The following SAMD12 variants were observed in gnomAD, a reference collection of about 807,000 sequenced individuals.
The protein encoded by SAMD12 is sterile alpha motif domain containing 12.
A neutral mutation model predicts 15.0 loss-of-function variants in SAMD12; 9 were observed. The observed-to-expected ratio is 0.60, with a 90% CI of 0.36 to 1.05. The LOEUF is 1.05. Ranked by LOEUF, SAMD12 falls within the 50% of genes least tolerant of loss-of-function variation. The probability of loss-of-function intolerance (pLI) is 0.01; values close to 1 mark genes in which losing one functional copy is unlikely to be tolerated. For synonymous variants in SAMD12, 86 were observed against 90.1 expected (o/e 0.96, Z 0.25); for missense variants, 230 against 234.2 (o/e 0.98, Z 0.12).
At chr8:118,444,810 C>T (rs750330591) in intron 2 of SAMD12, among the ~76,000 whole-genome samples, 1 of 152,030 alleles carries the variant, frequency 6.6e-6, no homozygotes, top group African/African-American at 2.4e-5. Flanking sequence ...ATCTGTTTTA[C>T]AATATAAATT....
intron 4 of SAMD12, among the ~76,000 whole-genome samples, chr8:118,346,093 G>A (rs1817634823): frequency 6.6e-6 from 1 of 152,220 alleles, no homozygotes; most frequent in African/African-American, 2.4e-5. Context: ...ATCGAGGGAT[G>A]TCACAGGCTC....
At chr8:118,249,848 T>C (rs767532994) in intron 4 of SAMD12, among the ~76,000 whole-genome samples, 6 of 152,170 alleles carry the variant, frequency 3.9e-5, no homozygotes, top group Non-Finnish European at 7.4e-5. Flanking sequence ...CATGAACTTC[T>C]GATGGAGTCA....
At chr8:118,615,281 G>A (rs184309400) in intron 1 of SAMD12, among the ~76,000 whole-genome samples, 1 of 152,238 alleles carries the variant, frequency 6.6e-6, no homozygotes, top group East Asian at 1.9e-4. Context: ...ACCCAGCTCA[G>A]AACTAAATGC....
At chr8:118,415,969 T>G (rs1821667615) in intron 3 of SAMD12, among the ~76,000 whole-genome samples, 1 of 152,222 alleles carries the variant, frequency 6.6e-6, no homozygotes, top group Non-Finnish European at 1.5e-5. Flanking sequence ...TTTGATGTTC[T>G]CATTTATCTA....
chr8:118,141,890 C>G, the SAMD12 span, among the ~76,000 whole-genome samples: 1 of 152,202 alleles, frequency 6.6e-6, no homozygotes, highest in South Asian at 2.1e-4. Context: ...CCACCTTAGT[C>G]CTGGCCATCC....
chr8:118,176,457 T>C, the SAMD12 span, among the ~76,000 whole-genome samples: 10 of 152,252 alleles, frequency 6.6e-5, no homozygotes, highest in South Asian at 4.1e-4. Context: ...ATGTGGTACA[T>C]ATATACCATA....
chr8:118,400,001 C>A (rs1037973092), intron 3 of SAMD12, among the ~76,000 whole-genome samples: 2 of 152,174 alleles, frequency 1.3e-5, no homozygotes, highest in African/African-American at 4.8e-5. Flanking sequence ...GCTAAAAATT[C>A]TGTGTGTATC....
chr8:118,590,351 G>A lies in SAMD12; in HGVS notation c.14-9458C>T, dbSNP rs970358519. On this transcript the variant is annotated intron_variant, in intron 1 of 3. Transcript: ENST00000314727. ...CCAGGAGAATGCCATAGAAGGCCAA[G>A]TAGGGAGTCCAGGTTTCCATCTCTG... 8.5e-5 allele frequency among the ~76,000 whole-genome samples: 13 copies of A among 152,354 alleles called. No individual in the cohort carries two copies. In the East Asian group the frequency reaches 1.7e-3, roughly 20 times the overall value.
the SAMD12 span, among the ~76,000 whole-genome samples, chr8:118,182,779 A>G: frequency 6.6e-6 from 1 of 152,224 alleles, no homozygotes; most frequent in Admixed American, 6.5e-5. Context: ...TGAGAGCGAC[A>G]GCACAAAAAG....
intron 3 of SAMD12, among the ~76,000 whole-genome samples, chr8:118,432,499 T>C (rs1822446295): frequency 6.6e-6 from 1 of 152,218 alleles, no homozygotes; most frequent in African/African-American, 2.4e-5. Context: ...CAAGAGTTTC[T>C]AACCTGGGAA....
chr8:118,403,111 G>A (rs1020723982), intron 3 of SAMD12, among the ~76,000 whole-genome samples: 1 of 152,152 alleles, frequency 6.6e-6, no homozygotes, highest in Non-Finnish European at 1.5e-5. Context: ...CACAAATAAG[G>A]CATCACAAAT....
intron 4 of SAMD12, among the ~76,000 whole-genome samples, chr8:118,215,981 G>A (rs1234855748): frequency 6.6e-6 from 1 of 150,882 alleles, no homozygotes. Flanking sequence ...TATATACCCA[G>A]TAATGGGATG....
chr8:118,448,929 A>G (rs967264041), intron 2 of SAMD12, among the ~76,000 whole-genome samples: 6 of 152,220 alleles, frequency 3.9e-5, no homozygotes, highest in Admixed American at 3.9e-4. Context: ...AGTACTTTAA[A>G]TAGTGCCTCC....
chr8:118,606,447 G>A (rs899713336), intron 1 of SAMD12, among the ~76,000 whole-genome samples: 1 of 152,158 alleles, frequency 6.6e-6, no homozygotes, highest in Non-Finnish European at 1.5e-5. Context: ...TGGCTCAGAT[G>A]AGAAACTGTA....
chr8:118,304,650 C>T (rs142187407), intron 4 of SAMD12, among the ~76,000 whole-genome samples: 2,378 of 151,904 alleles, frequency 0.016, 33 homozygotes, highest in South Asian at 0.039. Context: ...GTCCCAGATA[C>T]TCGGGAGGCT....
chr8:118,231,177 A>G (rs953220542), intron 4 of SAMD12, among the ~76,000 whole-genome samples: 2 of 152,102 alleles, frequency 1.3e-5, no homozygotes, highest in African/African-American at 4.8e-5. Context: ...AGTAGATGAT[A>G]AAATATTTGA....
intron 4 of SAMD12, among the ~76,000 whole-genome samples, chr8:118,200,889 G>A (rs543502487): frequency 1.2e-4 from 18 of 152,224 alleles, no homozygotes; most frequent in Middle Eastern, 3.4e-3. Context: ...GCACCATCAC[G>A]GCTCATTGTA....
chr8:118,138,869 G>A, the SAMD12 span, among the ~76,000 whole-genome samples: 1 of 152,138 alleles, frequency 6.6e-6, no homozygotes. Flanking sequence ...CAGCTTTCTG[G>A]TGACTGCACA....
intron 4 of SAMD12, among the ~76,000 whole-genome samples, chr8:118,278,215 T>C (rs1421704403): frequency 6.6e-6 from 1 of 152,196 alleles, no homozygotes; most frequent in Non-Finnish European, 1.5e-5. Flanking sequence ...CTGACGTTGG[T>C]TCACATAGTA....
Sources: allele counts gnomAD v4.1 joint callset (sites outside exome capture counted in the v4.1 genomes callset), GRCh38; gene constraint gnomAD v4.1.1; transcripts MANE v1.5; gene names NCBI Gene and HGNC (gene_info 2026-07-23, HGNC 2026-07-21).